FCMR: variants seen among roughly 807,000 people sequenced by gnomAD.
FCMR encodes the protein Fc mu receptor, also known as immunoglobulin mu Fc receptor.
In FCMR, 34 loss-of-function variants were observed where a neutral mutation model predicts 41.6. The ratio of observed to expected loss-of-function variants is 0.82; its 90% CI spans 0.62 to 1.09. The LOEUF (loss-of-function observed/expected upper bound fraction) is 1.09. Ranked by LOEUF, FCMR falls within the 50% of genes least tolerant of loss-of-function variation. FCMR has a pLI of 0.00. For missense variants in FCMR, 496 were observed against 512.5 expected (o/e 0.97, Z 0.31); for synonymous variants, 209 against 211.8 (o/e 0.99, Z 0.12).
chr1:206,907,926 G>C, intron 7 of FCMR: 5 of 1,257,570 alleles, frequency 4.0e-6, no homozygotes, highest in Non-Finnish European at 5.8e-6. Context: ...ACCACCTCAA[G>C]GTGTTTGACG....
intron 1 of FCMR, chr1:206,921,209 G>C (rs1679426198): frequency 5.7e-6 from 1 of 175,620 alleles, no homozygotes; most frequent in South Asian, 1.2e-4. Context: ...TATAGAAAGA[G>C]TGTAGAGGTA....
intron 7 of FCMR, among the ~76,000 whole-genome samples, chr1:206,907,095 T>TGGGGGGGGGGGG (rs1558645957): frequency 8.3e-5 from 1 of 12,080 alleles, no homozygotes; most frequent in African/African-American, 3.0e-4. Flanking sequence ...GGTGGGGGGG[T>TGGGGGGGGGGGG]GGGGGGGTGG....
At chr1:206,922,232 C>T (rs1572635543), upstream of FCMR, among the ~76,000 whole-genome samples, 2 of 152,148 alleles carry the variant, frequency 1.3e-5, no homozygotes, top group African/African-American at 4.8e-5. Flanking sequence ...TCATTGGCTT[C>T]CGTGCTGGGG....
rs1021569785 is a variant in FCMR, at chr1:206,909,641, C to G, written c.985+84G>C. The G allele has an allele frequency of 2.2e-6, 3 of 1,343,502 alleles. No individual in the cohort carries two copies. The highest frequency in any genetic ancestry group is 1.5e-5 in the African/African-American group (1 of 64,716). 83.2% of individuals were successfully genotyped at this position (1,343,502 alleles called of 1,614,324 possible). The stretch of plus-strand genomic sequence containing the variant: ...TCCACCCTGTGGGAAGCCCTGGCAC[C>G]TGGGAGCGCGCCCCGCTGCGCCCGG... On this transcript the variant is annotated intron_variant, in intron 6 of 7. Transcript: ENST00000367091. This position sits in a 1 kb window ranked among gnomAD's most constrained non-coding sequence, Gnocchi z 5.0.
At chr1:206,907,999 C>G in intron 7 of FCMR, 3 of 1,445,868 alleles carry the variant, frequency 2.1e-6, no homozygotes, top group Non-Finnish European at 2.9e-6. Flanking sequence ...CAAGGTCGTG[C>G]GTCTGAAGCT....
chr1:206,921,377 G>T (rs1483429549), intron 1 of FCMR: 3 of 447,036 alleles, frequency 6.7e-6, no homozygotes, highest in Non-Finnish European at 1.4e-5. Context: ...GAGCCAGGAG[G>T]ATCACTTAAG....
Position 206,907,812 on chromosome 1 carries a change from A to G in FCMR, c.1044+1650T>C. ...TTCCCCCGCAAGCGGATGAACACCA[A>G]CCCTTCCCGAGGTCCCTACCACTTC... On this transcript the variant is annotated intron_variant, in intron 7 of 7. Coordinates refer to ENST00000367091, the MANE Select transcript of FCMR (RefSeq NM_005449.5). The G allele has an allele frequency of 2.9e-6, 4 of 1,395,996 alleles. No individual in the cohort carries two copies. In the South Asian group the frequency reaches 3.5e-5, roughly 12 times the overall value. The allele number at this position is 1,395,996 out of a possible 1,614,324, so 86.5% of individuals were successfully genotyped here.
Position 206,911,957 on chromosome 1 carries a change from A to T in FCMR, c.488-5T>A. ...CCCTTTGAGCTGGTGTGGTAACTGCAGGAGGTAGCAGGAAAAAGGGATGTT... is the reference window on the plus strand; with the variant it reads ...CCCTTTGAGCTGGTGTGGTAACTGCTGGAGGTAGCAGGAAAAAGGGATGTT... On this transcript the variant is annotated splice_polypyrimidine_tract_variant and splice_region_variant and intron_variant, in intron 3 of 7. Transcript: ENST00000367091. 6.2e-7 allele frequency: 1 copy of T among 1,605,118 alleles called. No individual in the cohort carries two copies. Among genetic ancestry groups the T allele is most frequent in the Non-Finnish European group, 8.5e-7 (1 of 1,175,124 alleles).
In FCMR at chr1:206,909,885, C is replaced by G; in HGVS notation, c.842-17G>C. The G allele has an allele frequency of 7.3e-7, 1 of 1,371,896 alleles. No individual in the cohort carries two copies. Among genetic ancestry groups the G allele is most frequent in the Non-Finnish European group, 9.4e-7 (1 of 1,063,492 alleles). 85.0% of individuals were successfully genotyped at this position (1,371,896 alleles called of 1,614,324 possible). ...TGGAGAGGGCTTCCCCACAAAGCCACGGGAAGAGGGAGGAAAATGGCATCA... is the reference window on the plus strand; with the variant it reads ...TGGAGAGGGCTTCCCCACAAAGCCAGGGGAAGAGGGAGGAAAATGGCATCA... On this transcript the variant is annotated splice_polypyrimidine_tract_variant and intron_variant, in intron 5 of 7. Transcript: ENST00000367091. This position sits in a 1 kb window ranked among gnomAD's most constrained non-coding sequence, Gnocchi z 5.0.
chr1:206,920,094 G>A (rs1679368103), intron 1 of FCMR, among the ~76,000 whole-genome samples: 1 of 152,200 alleles, frequency 6.6e-6, no homozygotes, highest in African/African-American at 2.4e-5. Flanking sequence ...ATTGGGCTCA[G>A]AAGAGGGGGC....
chr1:206,912,935 T>G lies in FCMR; in HGVS notation c.481A>C (p.Thr161Pro). The G allele has an allele frequency of 1.9e-6, 3 of 1,610,266 alleles. No individual in the cohort carries two copies. Among genetic ancestry groups the G allele is most frequent in the Non-Finnish European group, 2.5e-6 (3 of 1,176,562 alleles). ...CTTGCTATGGTGAACTGACCTCTGGTTACGAATTTGGAAGAACTGGCATAT... is the reference window on the plus strand; with the variant it reads ...CTTGCTATGGTGAACTGACCTCTGGGTACGAATTTGGAAGAACTGGCATAT... ...PAYASSSKFV[T>P]RVTTPAQRGK... Residue 161 changes from threonine to proline, a missense_variant, in exon 3 of 8, where the codon ACC becomes CCC. Thr to Pro is a conservative substitution (Grantham distance 38). Transcript: ENST00000367091.
At chr1:206,910,707 G>C (rs1373158413) in intron 4 of FCMR, among the ~76,000 whole-genome samples, 2 of 152,214 alleles carry the variant, frequency 1.3e-5, no homozygotes, top group African/African-American at 4.8e-5. Flanking sequence ...TTCTTCACGA[G>C]ATTATTGCAG....
rs1325480523 is a variant in FCMR, at chr1:206,910,300, C to T, written c.751G>A (p.Gly251Arg). 2 of 1,574,318 alleles carry T rather than the reference C, an allele frequency of 1.3e-6. No individual in the cohort carries two copies. The highest frequency in any genetic ancestry group is 1.7e-6 in the Non-Finnish European group (2 of 1,159,716). The change falls in exon 5 of 8, where the codon GGA (glycine) becomes AGA (arginine). Residue 251 changes from glycine (G) to arginine (R), a missense_variant. Gly to Arg is a moderately radical substitution (Grantham distance 125). Transcript: ENST00000367091. ...ATGGTCGGGATCAGGATGTGAAATC[C>T]TTGGCCTTCCCTCCCAGACTGTGAG... The part of the protein sequence containing the change: ...YGSQSGREGQ[G>R]FHILIPTILG...
intron 7 of FCMR, among the ~76,000 whole-genome samples, chr1:206,908,476 A>C (rs1372002164): frequency 6.6e-6 from 1 of 152,204 alleles, no homozygotes; most frequent in East Asian, 1.9e-4. Flanking sequence ...ACTATTAGCA[A>C]AAAGGAGTCG....
At position 206,908,019 on chromosome 1, in the gene FCMR, G is replaced by T. The variant is rs534626087; in HGVS notation, c.1044+1443C>A. 88 of 1,391,636 alleles carry T rather than the reference G, an allele frequency of 6.3e-5. No homozygotes were observed. In the East Asian group the frequency reaches 1.9e-3, roughly 29 times the overall value. The allele number at this position is 1,391,636 out of a possible 1,614,324, so 86.2% of individuals were successfully genotyped here. On this transcript the variant is annotated intron_variant, in intron 7 of 7. Transcript: ENST00000367091. ...TCGTGCGTCTGAAGCTTACAAGAAAGTTTGCCTATCTGGAGCGCCTGGCTC... is the reference window on the plus strand; with the variant it reads ...TCGTGCGTCTGAAGCTTACAAGAAATTTTGCCTATCTGGAGCGCCTGGCTC...
At chr1:206,908,104 A>T (rs574293569) in intron 7 of FCMR, 1 of 1,172,326 alleles carries the variant, frequency 8.5e-7, no homozygotes, top group South Asian at 1.3e-5. Flanking sequence ...GTGGAAGGAG[A>T]AGGCCAAGTT....
chr1:206,915,158 G>A lies in FCMR; in HGVS notation c.38-1064C>T, dbSNP rs114200945. On this transcript the variant is annotated intron_variant, in intron 1 of 7. Coordinates refer to ENST00000367091, the MANE Select transcript of FCMR (RefSeq NM_005449.5). ...CCTTTCCTGTGACAGTAAAGCAGCC[G>A]GCATCCCTCCCTCAGTCACAGATCA... Among the ~76,000 whole-genome samples, 1,279 of 152,220 alleles carry A rather than the reference G, an allele frequency of 8.4e-3. 16 individuals carry two copies. The highest frequency in any genetic ancestry group is 0.029 in the African/African-American group (1,207 of 41,524).
At chr1:206,910,152 T>C in intron 5 of FCMR, 58 bp downstream of exon 5, 1 of 1,486,606 alleles carries the variant, frequency 6.7e-7, no homozygotes, top group Admixed American at 2.5e-5. Context: ...AAGGGGGTTC[T>C]GAACGCTGTG....
In FCMR at chr1:206,909,865, AG is replaced by A; in HGVS notation, c.844del (p.Leu282SerfsTer10). 1 of 1,376,948 alleles carries A rather than the reference AG, an allele frequency of 7.3e-7. No individual in the cohort carries two copies. Among genetic ancestry groups the A allele is most frequent in the Non-Finnish European group, 9.4e-7 (1 of 1,066,336 alleles). 85.3% of individuals were successfully genotyped at this position (1,376,948 alleles called of 1,614,324 possible). On this transcript the variant is annotated frameshift_variant and splice_region_variant, in exon 6 of 8. Coordinates refer to ENST00000367091, the MANE Select transcript of FCMR (RefSeq NM_005449.5). LOFTEE classifies it high-confidence loss of function. This position sits in a 1 kb window ranked among gnomAD's most constrained non-coding sequence, Gnocchi z 5.0. ...VKRAVERRKA[L>X]SRRARRLAVR... is the part of the protein sequence containing the mutation. The stretch of plus-strand genomic sequence containing the variant: ...GGCCAGTCGGCGGGCCCGCCTGGAG[AG>A]GGCTTCCCCACAAAGCCACGGGAAG...
Sources: gnomAD v4.1 joint callset for allele counts (sites outside exome capture counted in the v4.1 genomes callset) on GRCh38, gnomAD v4.1.1 for gene constraint, Gnocchi (gnomAD v3.1) non-coding constraint, MANE v1.5 for transcripts, NCBI Gene and HGNC (gene_info 2026-07-23, HGNC 2026-07-21) for gene names.